The following FOXP2 variants were observed in gnomAD, a reference collection of about 807,000 sequenced individuals.
FOXP2 encodes the protein forkhead box P2, also known as forkhead box protein P2.
A neutral mutation model predicts 115.8 loss-of-function variants in FOXP2; 12 were observed. The ratio of observed to expected loss-of-function variants is 0.10; its 90% confidence interval spans 0.07 to 0.17. The LOEUF is 0.17. Among genes scored for constraint, FOXP2 ranks in the 10% least tolerant of loss-of-function variants. The probability of loss-of-function intolerance (pLI) is 1.00; values close to 1 mark genes in which losing one functional copy is unlikely to be tolerated. For missense variants in FOXP2, 629 were observed against 843.5 expected, an observed-to-expected ratio of 0.75 and a Z score of 3.15; for synonymous variants, 328 against 297.7, an observed-to-expected ratio of 1.10 and a Z score of -1.05.
At chr7:114,421,006 GTAAT>G (rs910394901) in intron 1 of FOXP2, among the ~76,000 whole-genome samples, 4 of 151,448 alleles carry the variant, frequency 2.6e-5, no homozygotes, top group African/African-American at 2.4e-5. Context: ...ATATTTTTGA[GTAAT>G]TAGTTAACCA....
At chr7:114,133,521 C>A (rs1437220865) in intron 1 of FOXP2, among the ~76,000 whole-genome samples, 2 of 152,216 alleles carry the variant, frequency 1.3e-5, no homozygotes, top group African/African-American at 4.8e-5. Context: ...CTGGGGCGTT[C>A]CACTGTTGAT....
At chr7:114,258,560 AT>A (rs1187107276) in intron 1 of FOXP2, among the ~76,000 whole-genome samples, 2 of 152,234 alleles carry the variant, frequency 1.3e-5, no homozygotes, top group African/African-American at 4.8e-5. Context: ...CATTGTAGAT[AT>A]TCACATCCTG....
At chr7:114,114,002 A>G (rs1366833241) in intron 1 of FOXP2, among the ~76,000 whole-genome samples, 4 of 152,220 alleles carry the variant, frequency 2.6e-5, no homozygotes, top group South Asian at 2.1e-4. Context: ...TTCATTCCAC[A>G]AAGAATTTAA....
chr7:114,534,593 A>G lies in FOXP2; in HGVS notation c.169-24A>G, dbSNP rs1413982076. 32 of 1,595,026 alleles carry G rather than the reference A, an allele frequency of 2.0e-5. 1 individual carries two copies. In the Admixed American group the frequency reaches 4.9e-4, roughly 24 times the overall value. On this transcript the variant is annotated intron_variant, in intron 2 of 16. Transcript: ENST00000350908. Reference sequence around the variant, plus strand: ...ACTTAACTTTCAACAAAATATTTAGATAAGGTTTCATTTTTACTTCTAGGC... The same window carrying G: ...ACTTAACTTTCAACAAAATATTTAGGTAAGGTTTCATTTTTACTTCTAGGC...
intron 3 of FOXP2, among the ~76,000 whole-genome samples, chr7:114,542,514 A>G (rs915136593): frequency 6.6e-6 from 1 of 152,144 alleles, no homozygotes; most frequent in Non-Finnish European, 1.5e-5. Flanking sequence ...AGTGCTAGAA[A>G]TCTCCTGTTA....
intron 2 of FOXP2, among the ~76,000 whole-genome samples, chr7:114,473,628 C>A (rs186036650): frequency 3.3e-5 from 5 of 152,006 alleles, no homozygotes; most frequent in African/African-American, 9.7e-5. Context: ...CCTTCTAAAT[C>A]GTTTGGCAAA....
intron 1 of FOXP2, among the ~76,000 whole-genome samples, chr7:114,264,764 G>A (rs2129171825): frequency 6.6e-6 from 1 of 152,254 alleles, no homozygotes; most frequent in East Asian, 1.9e-4. Context: ...AGCTTCTGGG[G>A]AGGCCTCAGG....
intron 2 of FOXP2, among the ~76,000 whole-genome samples, chr7:114,328,467 A>T (rs1584639620): frequency 6.7e-6 from 1 of 149,914 alleles, no homozygotes; most frequent in Non-Finnish European, 1.5e-5. Context: ...TTTTCTCCTG[A>T]CCTCGTGATC....
At chr7:114,181,030 G>T (rs1793442376) in intron 1 of FOXP2, among the ~76,000 whole-genome samples, 1 of 151,742 alleles carries the variant, frequency 6.6e-6, no homozygotes, top group South Asian at 2.1e-4. Context: ...AGTTTGGATT[G>T]TGCCTGTCTC....
rs79960779 is a variant in FOXP2, at chr7:114,337,926, A to G, written c.-11+49817A>G. ...ATTTAAAATGATACAGGTTTGTAAC[A>G]TTAGAAATGAAGGCATATCTGTGTC... is the stretch of plus-strand genomic sequence containing the variant. On this transcript the variant is annotated intron_variant, in intron 2 of 17. Coordinates refer to the FOXP2 transcript ENST00000634411. Among the ~76,000 whole-genome samples the G allele has an allele frequency of 6.4e-3, 973 of 151,344 alleles. 8 individuals are homozygous for G. Among genetic ancestry groups the G allele is most frequent in the African/African-American group, 0.023 (940 of 41,504 alleles).
At chr7:114,610,610 A>G (rs1295662583) in intron 3 of FOXP2, among the ~76,000 whole-genome samples, 1 of 152,150 alleles carries the variant, frequency 6.6e-6, no homozygotes, top group Non-Finnish European at 1.5e-5. Context: ...AGTAAACCTT[A>G]TTGAACACCA....
intron 2 of FOXP2, among the ~76,000 whole-genome samples, chr7:114,447,448 C>T (rs1221334144): frequency 6.6e-6 from 1 of 152,008 alleles, no homozygotes; most frequent in Non-Finnish European, 1.5e-5. Context: ...CCTAAGCTAC[C>T]TCTCCTGCCT....
At position 114,173,555 on chromosome 7, in the gene FOXP2, T is replaced by C. The variant is rs78389785; in HGVS notation, c.-102+10467T>C. Among the ~76,000 whole-genome samples the C allele has an allele frequency of 0.017, 2,531 of 152,006 alleles. 156 individuals carry two copies. In the East Asian group the frequency reaches 0.19, roughly 11 times the overall value. On this transcript the variant is annotated intron_variant, in intron 1 of 17. Coordinates refer to the FOXP2 transcript ENST00000634411. ...CTTTTCTTCAGGCTCTGGATATAGC[T>C]AGGCTCAACACAAATGTCTAGGGAA...
At chr7:114,332,830 C>T (rs1489743484) in intron 2 of FOXP2, among the ~76,000 whole-genome samples, 6 of 152,070 alleles carry the variant, frequency 3.9e-5, no homozygotes, top group South Asian at 2.1e-4. Flanking sequence ...GCTTCTACCA[C>T]GGAAAATGTA....
chr7:114,138,567 A>G (rs1792110983), intron 1 of FOXP2, among the ~76,000 whole-genome samples: 1 of 151,548 alleles, frequency 6.6e-6, no homozygotes, highest in Non-Finnish European at 1.5e-5. Flanking sequence ...AATTTTTTGT[A>G]TTTTTTGTAG....
intron 1 of FOXP2, among the ~76,000 whole-genome samples, chr7:114,287,664 T>C (rs1434245716): frequency 6.6e-6 from 1 of 151,946 alleles, no homozygotes; most frequent in Non-Finnish European, 1.5e-5. Flanking sequence ...AGTTAAGAAA[T>C]TGGAGACGCA....
intron 1 of FOXP2, among the ~76,000 whole-genome samples, chr7:114,262,498 AC>A (rs1795781301): frequency 6.6e-6 from 1 of 152,132 alleles, no homozygotes; most frequent in Non-Finnish European, 1.5e-5. Context: ...CAGGTAACAA[AC>A]CTGCACATAT....
chr7:114,339,639 G>T (rs1001776007), intron 2 of FOXP2, among the ~76,000 whole-genome samples: 1 of 150,950 alleles, frequency 6.6e-6, no homozygotes. Flanking sequence ...GAGGTGTCTT[G>T]ATTCTCCAGT....
At chr7:114,237,218 G>A (rs1795032591) in intron 1 of FOXP2, among the ~76,000 whole-genome samples, 1 of 152,132 alleles carries the variant, frequency 6.6e-6, no homozygotes, top group African/African-American at 2.4e-5. Context: ...GATGTTTCCA[G>A]AAACTGACTA....
Sources: gnomAD v4.1 joint callset for allele counts (sites outside exome capture counted in the v4.1 genomes callset) on GRCh38, gnomAD v4.1.1 for gene constraint, MANE v1.5 for transcripts, NCBI Gene and HGNC (gene_info 2026-07-23, HGNC 2026-07-21) for gene names.